PDE6C: variants seen among roughly 807,000 people sequenced by gnomAD.
The protein encoded by PDE6C is cone cGMP-specific 3',5'-cyclic phosphodiesterase subunit alpha'.
Under a neutral mutation model 113.1 loss-of-function variants are expected in PDE6C, and 75 were observed. That is an observed-to-expected ratio of 0.66 (90% CI 0.55 to 0.80). The LOEUF is 0.80. Among genes scored for constraint, PDE6C ranks in the 30% least tolerant of loss-of-function variants. PDE6C has a pLI of 0.00. For synonymous variants in PDE6C, 375 were observed against 363.7 expected, an observed-to-expected ratio of 1.03 and a Z score of -0.35; for missense variants, 912 against 1,038.6, an observed-to-expected ratio of 0.88 and a Z score of 1.67.
rs2058550957 is a variant in PDE6C, at chr10:93,639,950, C to T, written c.1483-120C>T. 3.8e-5 allele frequency: 38 copies of T among 1,000,852 alleles called. 2 individuals are homozygous for T. The South Asian group carries it at 4.9e-4, about 13-fold the overall frequency. The allele number at this position is 1,000,852 out of a possible 1,614,324, so 62.0% of individuals were successfully genotyped here. Reference sequence around the variant, plus strand: ...ATCCAGTGCCTGGCACATGGTGGTTCAGTGAATCACACATTGTGTTCTTTT... The same window carrying T: ...ATCCAGTGCCTGGCACATGGTGGTTTAGTGAATCACACATTGTGTTCTTTT... On this transcript the variant is annotated intron_variant, in intron 11 of 21. Coordinates refer to ENST00000371447, the MANE Select transcript of PDE6C (RefSeq NM_006204.4).
Position 93,658,815 on chromosome 10 carries a change from C to G in PDE6C, c.2037-86C>G, listed in dbSNP as rs564645684. ...TGGACATCACAATGCAAAGTGGGAA[C>G]GTGAAATCTGAAAAGCATGTATTTA... On this transcript the variant is annotated intron_variant, in intron 16 of 21. Transcript: ENST00000371447. The G allele has an allele frequency of 4.9e-6, 4 of 816,764 alleles. No individual in the cohort carries two copies. In the East Asian group the frequency reaches 7.9e-5, roughly 16 times the overall value. The allele number at this position is 816,764 out of a possible 1,614,324, so 50.6% of individuals were successfully genotyped here.
At chr10:93,622,739 A>T (rs951042337) in intron 4 of PDE6C, among the ~76,000 whole-genome samples, 1 of 144,772 alleles carries the variant, frequency 6.9e-6, no homozygotes, top group Non-Finnish European at 1.5e-5. Context: ...TACAGTATGT[A>T]GCTTTTCAGA....
Position 93,613,180 on chromosome 10 carries a change from C to T in PDE6C, c.455C>T (p.Thr152Ile), listed in dbSNP as rs747712973. Residue 152 changes from threonine (T) to isoleucine (I), a missense_variant, in exon 1 of 22, where the codon ACT (threonine) becomes ATT (isoleucine). By Grantham distance (89) the Thr-to-Ile change is moderately conservative. Coordinates refer to ENST00000371447, the MANE Select transcript of PDE6C (RefSeq NM_006204.4). ...IVGWAAHTKK[T>I]HNVPDVKKNS... ...GGTTGGGCTGCTCACACGAAGAAAA[C>T]TCATAATGTCCCAGATGTGAAAAAG... is the stretch of plus-strand genomic sequence containing the variant. The T allele has an allele frequency of 2.4e-5, 38 of 1,613,782 alleles. No homozygotes were observed. Among genetic ancestry groups the T allele is most frequent in the Non-Finnish European group, 3.1e-5 (36 of 1,180,030 alleles).
rs2058685368 is a variant in PDE6C, at chr10:93,665,401, A to G, written c.2560A>G (p.Thr854Ala). 2 of 1,605,930 alleles carry G rather than the reference A, an allele frequency of 1.2e-6. No homozygotes were observed. The highest frequency in any genetic ancestry group is 2.2e-5 in the East Asian group (1 of 44,788). Residue 854 changes from threonine to alanine, a missense_variant, in exon 22 of 22, where the codon ACA becomes GCA. By Grantham distance (58) the Thr-to-Ala change is moderately conservative. Transcript: ENST00000371447. ...SGGGDDKKSK[T>A]CLML Reference sequence around the variant, plus strand: ...AGGTGGTGATGACAAAAAGTCCAAAACATGTTTAATGTTGTAATATTATCT... The same window carrying G: ...AGGTGGTGATGACAAAAAGTCCAAAGCATGTTTAATGTTGTAATATTATCT...
intron 10 of PDE6C, 56 bp downstream of exon 10, chr10:93,635,696 G>A (rs950165230): frequency 6.4e-7 from 1 of 1,562,946 alleles, no homozygotes; most frequent in East Asian, 2.2e-5. Context: ...ACATATTCTA[G>A]AAGTCATCTA....
intron 7 of PDE6C, among the ~76,000 whole-genome samples, chr10:93,627,762 G>A (rs1014910261): frequency 6.6e-6 from 1 of 152,144 alleles, no homozygotes; most frequent in Non-Finnish European, 1.5e-5. Context: ...CCCATCAAAT[G>A]ATGTAATTTA....
chr10:93,651,709 G>T (rs1453820835), intron 15 of PDE6C, among the ~76,000 whole-genome samples: 3 of 152,228 alleles, frequency 2.0e-5, no homozygotes, highest in African/African-American at 7.2e-5. Context: ...TGAAGCTCCA[G>T]GCCTTCTATT....
chr10:93,651,032 C>T (rs1169937484), intron 15 of PDE6C, among the ~76,000 whole-genome samples: 1 of 152,138 alleles, frequency 6.6e-6, no homozygotes, highest in African/African-American at 2.4e-5. Context: ...TGTCAATTTA[C>T]AAACACACAT....
chr10:93,623,130 G>T (rs1270073808), intron 4 of PDE6C, among the ~76,000 whole-genome samples: 1 of 152,160 alleles, frequency 6.6e-6, no homozygotes, highest in Non-Finnish European at 1.5e-5. Context: ...TCAGTATTTT[G>T]GGTATTAGCA....
intron 5 of PDE6C, 135 bp downstream of exon 5, chr10:93,625,784 T>C: frequency 1.4e-6 from 1 of 692,024 alleles, no homozygotes; most frequent in Non-Finnish European, 2.6e-6. Context: ...AGTTTGAGGT[T>C]CTAGTCCCAG....
intron 15 of PDE6C, among the ~76,000 whole-genome samples, chr10:93,648,122 T>C (rs1287087511): frequency 2.6e-5 from 4 of 152,248 alleles, no homozygotes; most frequent in Non-Finnish European, 4.4e-5. Context: ...GTTTCTTAAA[T>C]GTTTTTCCTT....
chr10:93,647,418 A>G (rs754481983), intron 15 of PDE6C, among the ~76,000 whole-genome samples: 1 of 152,180 alleles, frequency 6.6e-6, no homozygotes, highest in Non-Finnish European at 1.5e-5. Flanking sequence ...CTCATAAGCC[A>G]AGCAGGAAAA....
chr10:93,655,634 G>GAAAAA, intron 15 of PDE6C, 126 bp from the exon 16 acceptor site: 1 of 527,714 alleles, frequency 1.9e-6, no homozygotes, highest in East Asian at 3.3e-5. Context: ...AAAAAGGAAG[G>GAAAAA]AAAACAAAAA....
chr10:93,658,937 T>C lies in PDE6C; in HGVS notation c.2073T>C (p.Cys691=). 6.2e-7 allele frequency: 1 copy of C among 1,613,036 alleles called. No individual in the cohort carries two copies. The highest frequency in any genetic ancestry group is 1.1e-5 in the South Asian group (1 of 91,056). Residue 691 remains cysteine, a synonymous_variant, in exon 17 of 22, where the codon TGT becomes TGC. Coordinates refer to ENST00000371447, the MANE Select transcript of PDE6C (RefSeq NM_006204.4). ...TGTTTCAAAAAATTGTTGATGCCTG[T>C]GAACAAATGCAAACGGAAGAAGAAG... ...RTMFQKIVDA[C]EQMQTEEEAI... is the part of the protein sequence containing the mutation.
chr10:93,614,469 A>G (rs568955277), intron 1 of PDE6C, among the ~76,000 whole-genome samples: 5 of 152,284 alleles, frequency 3.3e-5, no homozygotes, highest in South Asian at 2.1e-4. Flanking sequence ...AGCTGCTTCA[A>G]GTGTCTAAAT....
At chr10:93,622,200 G>A in intron 4 of PDE6C, 128 bp downstream of exon 4, 2 of 1,024,602 alleles carry the variant, frequency 2.0e-6, no homozygotes, top group Admixed American at 1.8e-5. Flanking sequence ...CAAGAACAGA[G>A]GTAAAAGTGT....
chr10:93,660,022 CCTT>C, intron 18 of PDE6C, among the ~76,000 whole-genome samples: 1 of 152,288 alleles, frequency 6.6e-6, no homozygotes, highest in East Asian at 1.9e-4. Flanking sequence ...GATGAAAAAA[CCTT>C]CCTTTTTCCT....
chr10:93,624,255 T>G (rs910374012), intron 4 of PDE6C, among the ~76,000 whole-genome samples: 1 of 152,210 alleles, frequency 6.6e-6, no homozygotes, highest in African/African-American at 2.4e-5. Flanking sequence ...TTTTGTTTTC[T>G]TTCCTTTTTT....
intron 18 of PDE6C, among the ~76,000 whole-genome samples, chr10:93,660,382 A>G (rs1315674305): frequency 6.6e-6 from 1 of 152,204 alleles, no homozygotes; most frequent in Non-Finnish European, 1.5e-5. Context: ...GGTATGATCT[A>G]ATCGTGAGGC....
Sources: allele counts gnomAD v4.1 joint callset (sites outside exome capture counted in the v4.1 genomes callset), GRCh38; gene constraint gnomAD v4.1.1; transcripts MANE v1.5; gene names NCBI Gene and HGNC (gene_info 2026-07-23, HGNC 2026-07-21).